The following DNM3 variants were observed in gnomAD, a reference collection of about 807,000 sequenced individuals.
The protein encoded by DNM3 is dynamin-3.
DNM3 carries 47 observed loss-of-function variants against 101.6 expected under a neutral mutation model. The observed-to-expected ratio is 0.46, with a 90% CI of 0.37 to 0.59. DNM3 has a LOEUF of 0.59. Ranked by LOEUF, DNM3 falls within the 20% of genes least tolerant of loss-of-function variation. The pLI, the probability that DNM3 is intolerant of heterozygous loss-of-function variation, is 0.00. For missense variants in DNM3, 849 were observed against 1,085.7 expected, an observed-to-expected ratio of 0.78 and a Z score of 3.06; for synonymous variants, 385 against 387.9, an observed-to-expected ratio of 0.99 and a Z score of 0.09.
intron 14 of DNM3, among the ~76,000 whole-genome samples, chr1:172,250,774 A>G (rs1439155383): frequency 6.6e-6 from 1 of 152,152 alleles, no homozygotes; most frequent in Non-Finnish European, 1.5e-5. Flanking sequence ...TGATAGCAGA[A>G]ACAGGGAGGT....
chr1:172,225,658 C>G (rs964054079), intron 14 of DNM3, among the ~76,000 whole-genome samples: 3 of 151,798 alleles, frequency 2.0e-5, no homozygotes, highest in African/African-American at 7.3e-5. Context: ...AACATGTTGA[C>G]CATGGTAACA....
At chr1:171,872,606 TG>T in intron 1 of DNM3, among the ~76,000 whole-genome samples, 1 of 152,310 alleles carries the variant, frequency 6.6e-6, no homozygotes, top group South Asian at 2.1e-4. Flanking sequence ...ACCAAGAGGA[TG>T]TCCCCGCTAG....
chr1:172,202,800 T>C (rs1319976382), intron 14 of DNM3, among the ~76,000 whole-genome samples: 2 of 152,164 alleles, frequency 1.3e-5, no homozygotes, highest in Non-Finnish European at 2.9e-5. Flanking sequence ...TTTTAACTGG[T>C]TTGTTTCTGT....
At chr1:172,363,820 C>T (rs866932662) in intron 17 of DNM3, among the ~76,000 whole-genome samples, 1 of 151,832 alleles carries the variant, frequency 6.6e-6, no homozygotes, top group African/African-American at 2.4e-5. Context: ...CATGTCCTCC[C>T]CAGTATTTTC....
chr1:171,976,079 T>C (rs1461809757), intron 2 of DNM3, among the ~76,000 whole-genome samples: 1 of 152,218 alleles, frequency 6.6e-6, no homozygotes, highest in African/African-American at 2.4e-5. Flanking sequence ...GATCTACACA[T>C]ATGTAGACAA....
chr1:172,196,956 G>C (rs975845242), intron 14 of DNM3, among the ~76,000 whole-genome samples: 1 of 152,014 alleles, frequency 6.6e-6, no homozygotes, highest in African/African-American at 2.4e-5. Context: ...GATTGCTTTT[G>C]GTGTCTTAGT....
intron 4 of DNM3, among the ~76,000 whole-genome samples, chr1:172,008,668 T>C (rs2046861792): frequency 6.7e-6 from 1 of 150,258 alleles, no homozygotes; most frequent in South Asian, 2.1e-4. Flanking sequence ...AGTACCATCA[T>C]TTAGTTTGAA....
At chr1:172,259,699 A>G (rs971244144) in intron 15 of DNM3, among the ~76,000 whole-genome samples, 6 of 152,106 alleles carry the variant, frequency 3.9e-5, no homozygotes, top group African/African-American at 1.4e-4. Context: ...TCATTCAGCC[A>G]GTCTATATTT....
At chr1:172,263,314 T>A (rs1249260856) in intron 15 of DNM3, among the ~76,000 whole-genome samples, 1 of 152,236 alleles carries the variant, frequency 6.6e-6, no homozygotes, top group Non-Finnish European at 1.5e-5. Context: ...AGTATCAAAG[T>A]AACAAAGTAT....
At chr1:172,074,214 G>T (rs1019186647) in intron 11 of DNM3, among the ~76,000 whole-genome samples, 1 of 152,062 alleles carries the variant, frequency 6.6e-6, no homozygotes, top group Non-Finnish European at 1.5e-5. Flanking sequence ...ATAAGGCAGG[G>T]TAACACAATA....
intron 14 of DNM3, among the ~76,000 whole-genome samples, chr1:172,161,334 C>T (rs145467131): frequency 5.9e-4 from 89 of 151,822 alleles, no homozygotes; most frequent in African/African-American, 2.0e-3. Flanking sequence ...ACAGAGCACT[C>T]GAATGTTATC....
At chr1:172,025,761 G>T (rs780377807) in intron 4 of DNM3, among the ~76,000 whole-genome samples, 1 of 152,048 alleles carries the variant, frequency 6.6e-6, no homozygotes, top group African/African-American at 2.4e-5. Flanking sequence ...TAGCATCAAC[G>T]TCAACAAAAA....
intron 13 of DNM3, among the ~76,000 whole-genome samples, chr1:172,121,657 C>T (rs4604728): frequency 1 from 152,109 of 152,334 alleles, 75,943 homozygotes; most frequent in Non-Finnish European, 1. Context: ...TGAAGTTCTT[C>T]TGCGAAACAG....
chr1:172,317,745 C>T (rs974193731), intron 16 of DNM3, among the ~76,000 whole-genome samples: 18 of 152,126 alleles, frequency 1.2e-4, no homozygotes, highest in Admixed American at 5.2e-4. Context: ...TGGCAATAAT[C>T]AATAGCTTAC....
rs566092190 is a variant in DNM3 at position 172,033,237 on chromosome 1, C to T, written c.821C>T (p.Thr274Ile). 3 of 1,604,358 alleles carry T rather than the reference C, an allele frequency of 1.9e-6. No individual in the cohort carries two copies. Among genetic ancestry groups the T allele is most frequent in the East Asian group, 2.2e-5 (1 of 44,536 alleles). ...AYRHIADRMG[T>I]PHLQKVLNQQ... is the part of the protein sequence containing the mutation. ...AGACATATCGCTGACCGAATGGGAA[C>T]CCCACACCTGCAGAAGGTCCTTAAT... Residue 274 changes from threonine (T) to isoleucine (I), a missense_variant, in exon 6 of 21, where the codon ACC (threonine) becomes ATC (isoleucine). This residue lies in a region of DNM3 where 388 missense variants were observed against 483.0 expected (regional missense o/e 0.80). Transcript: ENST00000627582.
At chr1:172,060,140 G>T (rs1229577858) in intron 10 of DNM3, among the ~76,000 whole-genome samples, 2 of 145,890 alleles carry the variant, frequency 1.4e-5, no homozygotes, top group South Asian at 4.4e-4. Flanking sequence ...AACTTACAAG[G>T]GATGTGAAGG....
intron 15 of DNM3, among the ~76,000 whole-genome samples, chr1:172,306,775 GA>G (rs1412002851): frequency 2.6e-5 from 4 of 152,182 alleles, no homozygotes; most frequent in Non-Finnish European, 4.4e-5. Context: ...AAGCAATGAG[GA>G]AAGGATTCCC....
intron 20 of DNM3, among the ~76,000 whole-genome samples, chr1:172,404,713 A>C (rs1459724139): frequency 3.9e-5 from 6 of 152,082 alleles, no homozygotes; most frequent in Admixed American, 3.3e-4. Context: ...GTTTGCCATC[A>C]CTTTGACCAC....
At chr1:171,984,018 C>A (rs1187302740) in intron 2 of DNM3, among the ~76,000 whole-genome samples, 2 of 152,116 alleles carry the variant, frequency 1.3e-5, no homozygotes. Flanking sequence ...TAGGTCAAAC[C>A]CTTTGAAGTT....
Sources: allele counts gnomAD v4.1 joint callset (sites outside exome capture counted in the v4.1 genomes callset), GRCh38; gene constraint gnomAD v4.1.1; regional missense constraint gnomAD v4.1.1; transcripts MANE v1.5; gene names NCBI Gene and HGNC (gene_info 2026-07-23, HGNC 2026-07-21).